The following U2AF2 variants were observed in gnomAD, a reference collection of about 807,000 sequenced individuals.
U2AF2 encodes U2 small nuclear RNA auxiliary factor 2, also known as splicing factor U2AF 65 kDa subunit.
In U2AF2, 6 loss-of-function variants were observed where a neutral mutation model predicts 52.6. The ratio of observed to expected loss-of-function variants is 0.11; its 90% CI spans 0.06 to 0.23. U2AF2 has a LOEUF of 0.23. Among genes scored for constraint, U2AF2 ranks in the 10% least tolerant of loss-of-function variants. The pLI is 1.00. For missense variants in U2AF2, 222 were observed against 677.1 expected (o/e 0.33, Z 7.46); for synonymous variants, 284 against 258.2 (o/e 1.10, Z -0.96).
intron 11 of U2AF2, among the ~76,000 whole-genome samples, chr19:55,671,154 T>C (rs1984894314): frequency 6.6e-6 from 1 of 151,680 alleles, no homozygotes; most frequent in Non-Finnish European, 1.5e-5. Context: ...GTTGGGAAAA[T>C]GAATGAGGTC....
chr19:55,662,500 A>G lies in U2AF2; in HGVS notation c.487-2A>G. On this transcript the variant is annotated splice_acceptor_variant, in intron 5 of 11. Coordinates refer to ENST00000308924, the MANE Select transcript of U2AF2 (RefSeq NM_007279.3). LOFTEE classifies it high-confidence loss of function. Reference sequence around the variant, plus strand: ...CCCCCTTGTCTCCTATTCCCTCTGCAGGAGGCCATGATGGATTTCTTCAAC... The same window carrying G: ...CCCCCTTGTCTCCTATTCCCTCTGCGGGAGGCCATGATGGATTTCTTCAAC... 8.1e-7 allele frequency: 1 copy of G among 1,231,270 alleles called. No homozygotes were observed. The highest frequency in any genetic ancestry group is 1.1e-6 in the Non-Finnish European group (1 of 925,642). 76.3% of individuals were successfully genotyped at this position (1,231,270 alleles called of 1,614,324 possible). A position where few individuals can be genotyped will look rare whatever the true frequency, so the allele number is the denominator to read the frequency against.
rs1309026075 is a variant in U2AF2 at position 55,668,641 on chromosome 19, C to T, written c.823-29C>T. 6.2e-7 allele frequency: 1 copy of T among 1,604,874 alleles called. No individual in the cohort carries two copies. Among genetic ancestry groups the T allele is most frequent in the Non-Finnish European group, 8.5e-7 (1 of 1,173,208 alleles). On this transcript the variant is annotated intron_variant, in intron 8 of 11. Transcript: ENST00000308924. The surrounding 1 kb of genome is among the most constrained non-coding windows in gnomAD (Gnocchi z 5.5). The stretch of plus-strand genomic sequence containing the variant: ...CCCCCCACCCCGCCCCACCTCATCC[C>T]AGCCCTGATGGACTCTCGGCTACTG...
intron 1 of U2AF2, 142 bp from the exon 2 acceptor site, chr19:55,659,068 G>C: frequency 7.7e-7 from 1 of 1,306,030 alleles, no homozygotes; most frequent in Non-Finnish European, 9.9e-7. Flanking sequence ...CAGGAGGCCT[G>C]TTAATTCCCT....
rs201735592 is a variant in U2AF2 at position 55,660,240 on chromosome 19, C to T, written c.230+19C>T. On this transcript the variant is annotated intron_variant, in intron 3 of 11. Coordinates refer to ENST00000308924, the MANE Select transcript of U2AF2 (RefSeq NM_007279.3). ...GACTGATGTGAGCTTCTCTTCCTGC[C>T]CCTTCCTCCCTGATGTCCACTCCCT... 213 of 1,611,220 alleles carry T rather than the reference C, an allele frequency of 1.3e-4. No individual in the cohort carries two copies. Among genetic ancestry groups the T allele is most frequent in the Non-Finnish European group, 1.7e-4 (203 of 1,178,464 alleles).
At chr19:55,662,369 TCCCCCCCTCCTC>T (rs1568550775) in intron 5 of U2AF2, 121 bp from the exon 6 acceptor site, 1 of 141,390 alleles carries the variant, frequency 7.1e-6, no homozygotes, top group African/African-American at 3.5e-5. Flanking sequence ...CACTGTTCCT[TCCCCCCCTCCTC>T]CCTCCCCTCA....
At chr19:55,665,973 G>A (rs913742793) in intron 7 of U2AF2, among the ~76,000 whole-genome samples, 2 of 152,250 alleles carry the variant, frequency 1.3e-5, no homozygotes, top group African/African-American at 4.8e-5. Flanking sequence ...AAGATGGATG[G>A]CGGTGCAGCT....
chr19:55,670,725 C>T (rs1047211629), intron 11 of U2AF2: 6 of 188,090 alleles, frequency 3.2e-5, no homozygotes, highest in Non-Finnish European at 5.6e-5. Flanking sequence ...GGTCTTGGAA[C>T]GACCGCTTAT....
chr19:55,669,812 T>TCC, intron 11 of U2AF2, 120 bp downstream of exon 11: 1 of 1,379,910 alleles, frequency 7.2e-7, no homozygotes, highest in African/African-American at 1.5e-5. Context: ...CGCTCTTTCT[T>TCC]CCTCTCTCTC....
chr19:55,662,744 C>T (rs377031353), intron 6 of U2AF2, 126 bp downstream of exon 6: 19 of 796,128 alleles, frequency 2.4e-5, no homozygotes, highest in Admixed American at 1.8e-4. Context: ...CTTCTCCACC[C>T]GGTCGCTGAA....
chr19:55,664,066 T>C (rs959799200), intron 7 of U2AF2: 2 of 294,140 alleles, frequency 6.8e-6, no homozygotes, highest in Non-Finnish European at 1.3e-5. Context: ...TGTGGGACCT[T>C]GGAGGGCTCA....
intron 11 of U2AF2, chr19:55,670,660 G>GC: frequency 4.0e-6 from 1 of 249,258 alleles, no homozygotes; most frequent in Non-Finnish European, 8.0e-6. Context: ...GTGAGCAGGT[G>GC]AGTGAGCGAG....
chr19:55,671,609 A>C (rs1235513967), intron 11 of U2AF2: 2 of 152,250 alleles, frequency 1.3e-5, no homozygotes, highest in Non-Finnish European at 2.9e-5. Flanking sequence ...CATCTTAGAA[A>C]AGGGGCATGG....
intron 7 of U2AF2, chr19:55,664,020 G>T (rs1008230792): frequency 1.8e-5 from 7 of 390,974 alleles, no homozygotes; most frequent in Middle Eastern, 6.9e-4. Context: ...GGGAAGCGAG[G>T]GGCTTGTGGC....
chr19:55,660,722 A>T, intron 4 of U2AF2, 103 bp downstream of exon 4: 3 of 1,172,774 alleles, frequency 2.6e-6, no homozygotes, highest in Non-Finnish European at 3.7e-6. Flanking sequence ...TCAAAGACAC[A>T]GGTAGAGGGT....
chr19:55,663,476 C>T, intron 6 of U2AF2, 130 bp from the exon 7 acceptor site: 1 of 1,413,682 alleles, frequency 7.1e-7, no homozygotes, highest in South Asian at 1.5e-5. Flanking sequence ...TCCCAGTGCC[C>T]AGCCTGGGGC....
chr19:55,669,593 C>A lies in U2AF2; in HGVS notation c.1194C>A (p.Ile398=), dbSNP rs151256609. The A allele has an allele frequency of 1.9e-6, 3 of 1,613,776 alleles. No homozygotes were observed. Among genetic ancestry groups the A allele is most frequent in the East Asian group, 2.2e-5 (1 of 44,882 alleles). The change falls in exon 11 of 12, where the codon ATC becomes ATA. Residue 398 remains isoleucine (I), a synonymous_variant. Transcript: ENST00000308924. Reference sequence around the variant, plus strand: ...TGGACGACGAGGAGTATGAGGAGATCGTGGAGGACGTGCGGGACGAGTGCA... The same window carrying A: ...TGGACGACGAGGAGTATGAGGAGATAGTGGAGGACGTGCGGGACGAGTGCA... The part of the protein sequence containing the change: ...ELLDDEEYEE[I]VEDVRDECSK...
intron 6 of U2AF2, among the ~76,000 whole-genome samples, chr19:55,662,990 T>C (rs578208203): frequency 6.6e-6 from 1 of 152,130 alleles, no homozygotes; most frequent in Non-Finnish European, 1.5e-5. Flanking sequence ...TAGTCTTCTG[T>C]TACCCCAGCT....
intron 1 of U2AF2, among the ~76,000 whole-genome samples, chr19:55,655,360 C>T (rs1983713568): frequency 6.6e-6 from 1 of 152,164 alleles, no homozygotes; most frequent in Admixed American, 6.5e-5. Context: ...GGGGCGCGGG[C>T]CCGTGACGCA....
intron 11 of U2AF2, among the ~76,000 whole-genome samples, chr19:55,673,186 T>C (rs1395983190): frequency 1.3e-5 from 2 of 152,228 alleles, no homozygotes; most frequent in Non-Finnish European, 2.9e-5. Context: ...CCCAAAGTAC[T>C]GGGATTACAG....
Sources: allele counts gnomAD v4.1 joint callset (sites outside exome capture counted in the v4.1 genomes callset), GRCh38; gene constraint gnomAD v4.1.1; non-coding constraint Gnocchi (gnomAD v3.1); transcripts MANE v1.5; gene names NCBI Gene and HGNC (gene_info 2026-07-23, HGNC 2026-07-21).